The following ASTN1 variants were observed in gnomAD, a reference collection of about 807,000 sequenced individuals.
The protein encoded by ASTN1 is astrotactin 1, also known as astrotactin-1.
ASTN1 carries 41 observed loss-of-function variants against 140.7 expected under a neutral mutation model. The observed-to-expected ratio is 0.29, with a 90% confidence interval of 0.23 to 0.38. ASTN1 has a LOEUF of 0.38. ASTN1 is among the 10% of genes least tolerant of loss of function. The pLI, the probability that ASTN1 is intolerant of heterozygous loss-of-function variation, is 1.00. For missense variants in ASTN1, 1,479 were observed against 1,678.8 expected (o/e 0.88, Z 2.08); for synonymous variants, 640 against 652.2 (o/e 0.98, Z 0.29).
At chr1:176,918,138 C>G (rs1025803399) in intron 16 of ASTN1, among the ~76,000 whole-genome samples, 9 of 152,068 alleles carry the variant, frequency 5.9e-5, no homozygotes, top group Non-Finnish European at 7.4e-5. Flanking sequence ...TAATTCCTGA[C>G]TGTTTCTTCG....
intron 8 of ASTN1, among the ~76,000 whole-genome samples, chr1:176,996,790 G>A (rs1468254972): frequency 6.6e-6 from 1 of 152,130 alleles, no homozygotes; most frequent in African/African-American, 2.4e-5. Context: ...CACGCTAGGG[G>A]CTCCCATGGA....
chr1:176,873,579 G>C (rs1317312527), intron 21 of ASTN1, among the ~76,000 whole-genome samples: 2 of 152,090 alleles, frequency 1.3e-5, no homozygotes, highest in Non-Finnish European at 2.9e-5. Flanking sequence ...TGAGTGCTGC[G>C]AGATCATATT....
intron 1 of ASTN1, among the ~76,000 whole-genome samples, chr1:177,159,372 C>T (rs961817230): frequency 8.9e-4 from 136 of 152,216 alleles, no homozygotes; most frequent in African/African-American, 3.2e-3. Flanking sequence ...TATACAAATG[C>T]ATTTACTATT....
At chr1:177,030,783 G>T in intron 4 of ASTN1, 23 bp downstream of exon 4, 1 of 1,613,682 alleles carries the variant, frequency 6.2e-7, no homozygotes, top group African/African-American at 1.3e-5. Context: ...CCACCCACGA[G>T]CCCTAATGTC....
chr1:176,926,600 A>T (rs183295665), intron 16 of ASTN1, among the ~76,000 whole-genome samples: 7 of 152,360 alleles, frequency 4.6e-5, no homozygotes, highest in African/African-American at 1.4e-4. Context: ...ACAGGCCCTC[A>T]GCGAACATTT....
At chr1:176,975,561 T>C (rs2101870837) in intron 8 of ASTN1, among the ~76,000 whole-genome samples, 1 of 152,364 alleles carries the variant, frequency 6.6e-6, no homozygotes, top group South Asian at 2.1e-4. Context: ...GCAGAAGTTA[T>C]CTGTAGTGCA....
At chr1:177,085,580 G>A (rs944613793) in intron 1 of ASTN1, among the ~76,000 whole-genome samples, 2 of 152,104 alleles carry the variant, frequency 1.3e-5, no homozygotes, top group Non-Finnish European at 2.9e-5. Context: ...ATATGACCCT[G>A]GGCAGGTTCC....
intron 8 of ASTN1, among the ~76,000 whole-genome samples, chr1:176,975,127 A>G (rs1434406012): frequency 2.6e-5 from 4 of 152,250 alleles, no homozygotes; most frequent in African/African-American, 4.8e-5. Flanking sequence ...CAAGAATTGT[A>G]TAAGGCAAAG....
Position 177,023,560 on chromosome 1 carries a change from T to C in ASTN1, c.1282A>G (p.Ile428Val). Residue 428 changes from isoleucine (I) to valine (V), a missense_variant, in exon 7 of 23, where the codon ATC becomes GTC. Ile to Val is a conservative substitution (Grantham distance 29, BLOSUM62 3). Coordinates refer to ENST00000361833, the MANE Select transcript of ASTN1 (RefSeq NM_004319.3). ...EHLIADGSRF[I>V]LLEGSQLDAS... ...TCCAGCTGGCTCCCCTCCAGCAAGA[T>C]GAAGCGGCTCCCTGCAGGGTGAGAG... 2 of 1,594,902 alleles carry C rather than the reference T, an allele frequency of 1.3e-6. No individual in the cohort carries two copies. The highest frequency in any genetic ancestry group is 1.1e-5 in the South Asian group (1 of 88,448).
chr1:177,104,008 C>A (rs768207313), intron 1 of ASTN1, among the ~76,000 whole-genome samples: 8 of 152,100 alleles, frequency 5.3e-5, no homozygotes, highest in Admixed American at 1.3e-4. Context: ...TATGGCCTGG[C>A]GTGCAGTAAC....
At chr1:176,928,908 AAG>A (rs1190376111) in intron 16 of ASTN1, among the ~76,000 whole-genome samples, 1 of 152,324 alleles carries the variant, frequency 6.6e-6, no homozygotes, top group East Asian at 1.9e-4. Flanking sequence ...ACAAAGGGAC[AAG>A]AGAGTTTCAA....
intron 1 of ASTN1, among the ~76,000 whole-genome samples, chr1:177,077,213 T>A (rs191565349): frequency 1.3e-5 from 2 of 152,072 alleles, no homozygotes; most frequent in South Asian, 4.2e-4. Context: ...TATCAGGGAC[T>A]TTCCCCCTCA....
chr1:176,893,894 C>T (rs1382928956), intron 17 of ASTN1, among the ~76,000 whole-genome samples: 1 of 152,200 alleles, frequency 6.6e-6, no homozygotes, highest in Non-Finnish European at 1.5e-5. Context: ...ACACAGTTCT[C>T]CAGCCCTTCT....
chr1:177,152,758 C>T (rs1002223768), intron 1 of ASTN1, among the ~76,000 whole-genome samples: 12 of 151,878 alleles, frequency 7.9e-5, no homozygotes, highest in African/African-American at 1.7e-4. Flanking sequence ...TACGGAAAAA[C>T]GGAATGGATA....
intron 7 of ASTN1, among the ~76,000 whole-genome samples, chr1:177,021,543 A>C (rs1289590723): frequency 2.6e-5 from 4 of 152,242 alleles, no homozygotes; most frequent in Non-Finnish European, 5.9e-5. Flanking sequence ...TTTCATGATA[A>C]ATAAAACACA....
At chr1:177,051,869 C>T (rs1052955869) in intron 2 of ASTN1, among the ~76,000 whole-genome samples, 1 of 152,056 alleles carries the variant, frequency 6.6e-6, no homozygotes, top group African/African-American at 2.4e-5. Context: ...GTGTGGATAC[C>T]TGGGCAGTGA....
At chr1:177,161,698 C>T (rs1397498456) in intron 1 of ASTN1, among the ~76,000 whole-genome samples, 1 of 152,150 alleles carries the variant, frequency 6.6e-6, no homozygotes, top group Non-Finnish European at 1.5e-5. Context: ...AGTGAAGTGA[C>T]AGGACTTGAT....
At chr1:176,944,881 C>A (rs1296816058) in intron 13 of ASTN1, among the ~76,000 whole-genome samples, 2 of 152,108 alleles carry the variant, frequency 1.3e-5, no homozygotes, top group African/African-American at 2.4e-5. Context: ...AATTCCCAGG[C>A]TAAAAGGGGA....
intron 8 of ASTN1, among the ~76,000 whole-genome samples, chr1:176,988,260 A>G (rs2101892652): frequency 6.6e-6 from 1 of 151,724 alleles, no homozygotes; most frequent in East Asian, 1.9e-4. Flanking sequence ...TAAAGAAGGG[A>G]ACAAAGGACC....
Sources: gnomAD v4.1 joint callset for allele counts (sites outside exome capture counted in the v4.1 genomes callset) on GRCh38, gnomAD v4.1.1 for gene constraint, MANE v1.5 for transcripts, NCBI Gene and HGNC (gene_info 2026-07-23, HGNC 2026-07-21) for gene names.